Variants in ALPK3 observed in about 807,000 individuals in gnomAD.
ALPK3 encodes alpha kinase 3, also known as alpha-protein kinase 3.
In ALPK3, 102 loss-of-function variants were observed where a neutral mutation model predicts 140.0. The ratio of observed to expected loss-of-function variants is 0.73; its 90% CI spans 0.62 to 0.86. The LOEUF is 0.86. Among genes scored for constraint, ALPK3 ranks in the 40% least tolerant of loss-of-function variants. ALPK3 has a pLI of 0.00. For synonymous variants in ALPK3, 938 were observed against 898.5 expected (o/e 1.04, Z -0.79); for missense variants, 2,254 against 2,208.2 (o/e 1.02, Z -0.42).
intron 5 of ALPK3, among the ~76,000 whole-genome samples, chr15:84,851,420 A>C (rs1278410031): frequency 1.3e-5 from 2 of 152,194 alleles, no homozygotes; most frequent in Non-Finnish European, 2.9e-5. Flanking sequence ...TGATTTCCTT[A>C]TATATTTTCA....
At chr15:84,860,135 C>A in intron 9 of ALPK3, 63 bp downstream of exon 9, 8 of 1,582,952 alleles carry the variant, frequency 5.1e-6, no homozygotes, top group Non-Finnish European at 6.1e-6. Context: ...GGAGGACCCT[C>A]TTTAAGGGCT....
Position 84,871,527 on chromosome 15 carries a change from C to G in ALPK3, c.*3071C>G, listed in dbSNP as rs191435746. The G allele has an allele frequency of 2.5e-4, 38 of 152,344 alleles. 1 individual carries two copies. The highest frequency in any genetic ancestry group is 9.1e-4 in the African/African-American group (38 of 41,562). The allele number at this position is 152,344 out of a possible 1,614,324, so 9.4% of individuals were successfully genotyped here. A position where few individuals can be genotyped will look rare whatever the true frequency, so the allele number is the denominator to read the frequency against. On this transcript the variant is annotated 3_prime_UTR_variant, in exon 14 of 14. Coordinates refer to ENST00000258888, the MANE Select transcript of ALPK3 (RefSeq NM_020778.5). ...GGGGGACTAAACTCTCCACGCCAGC[C>G]CAGTCCCAAACCTAAACCTCGGGTA...
chr15:84,856,794 G>A lies in ALPK3; in HGVS notation c.2056G>A (p.Ala686Thr), dbSNP rs1366851951. The change falls in exon 6 of 14, where the codon GCC (alanine) becomes ACC (threonine). Residue 686 changes from alanine (A) to threonine (T), a missense_variant. Coordinates refer to ENST00000258888, the MANE Select transcript of ALPK3 (RefSeq NM_020778.5). ...AGEKIQEDRKAQADKGTQEDR... is the reference protein window; with the variant it reads ...AGEKIQEDRKTQADKGTQEDR... The stretch of plus-strand genomic sequence containing the variant: ...TGAGAAGATACAGGAAGACAGGAAG[G>A]CCCAGGCAGATAAGGGCACACAGGA... 2 of 1,614,050 alleles carry A rather than the reference G, an allele frequency of 1.2e-6. No individual in the cohort carries two copies. The highest frequency in any genetic ancestry group is 1.7e-6 in the Non-Finnish European group (2 of 1,180,002).
Position 84,858,423 on chromosome 15 carries a change from G to A in ALPK3, c.3685G>A (p.Ala1229Thr). The A allele has an allele frequency of 1.3e-6, 2 of 1,561,138 alleles. No individual in the cohort carries two copies. The highest frequency in any genetic ancestry group is 1.7e-6 in the Non-Finnish European group (2 of 1,155,692). The stretch of plus-strand genomic sequence containing the variant: ...GGCGAGCATGCTGGAGGTGCCTCGG[G>A]CAGAGGAGGAGCTGGCGGCAGGAGA... ...RKASMLEVPR[A>T]EEELAAGDLG... is the part of the protein sequence containing the mutation. Residue 1229 changes from alanine (A) to threonine (T), a missense_variant, in exon 6 of 14, where the codon GCA (alanine) becomes ACA (threonine). Physicochemically the swap from Ala to Thr is moderately conservative, Grantham distance 58. Coordinates refer to ENST00000258888, the MANE Select transcript of ALPK3 (RefSeq NM_020778.5).
rs150985765 is a variant in ALPK3, at chr15:84,840,736, C to T, written c.1457C>T (p.Pro486Leu). 1.5e-4 allele frequency: 242 copies of T among 1,613,948 alleles called. No homozygotes were observed. The highest frequency in any genetic ancestry group is 2.0e-4 in the Non-Finnish European group (235 of 1,179,932). The change falls in exon 5 of 14, where the codon CCA (proline) becomes CTA (leucine). Residue 486 changes from proline (P) to leucine (L), a missense_variant. By Grantham distance (98) the Pro-to-Leu change is moderately conservative. Coordinates refer to ENST00000258888, the MANE Select transcript of ALPK3 (RefSeq NM_020778.5). Reference protein sequence around the residue: ...RPFNRKRFAPPKPKGEATTDS... With the variant: ...RPFNRKRFAPLKPKGEATTDS... ...TTCAACAGAAAGAGATTTGCCCCTC[C>T]AAAGCCCAAAGGAGAGGCCACCACT...
At chr15:84,849,179 A>G (rs902555819) in intron 5 of ALPK3, among the ~76,000 whole-genome samples, 5 of 152,142 alleles carry the variant, frequency 3.3e-5, no homozygotes, top group African/African-American at 1.2e-4. Flanking sequence ...ATAGTGAACT[A>G]TCTAGTGATA....
rs144798232 is a variant in ALPK3 at position 84,850,879 on chromosome 15, T to TATACACAC, written c.1654-5512_1654-5511insTACACACA. Among the ~76,000 whole-genome samples the TATACACAC allele has an allele frequency of 2.8e-3, 404 of 142,466 alleles. 4 individuals carry two copies. The highest frequency in any genetic ancestry group is 0.01 in the African/African-American group (388 of 37,140). The allele number at this position is 142,466 out of a possible 152,430, so 93.5% of individuals were successfully genotyped here. On this transcript the variant is annotated intron_variant, in intron 5 of 13. Transcript: ENST00000258888. The stretch of plus-strand genomic sequence containing the variant: ...TCATATCTTTACACAGTTCCAGATA[T>TATACACAC]ACACACACACACACACACACACACA...
In ALPK3 at chr15:84,840,825, G is replaced by T; in HGVS notation, c.1546G>T (p.Ala516Ser). 6.2e-7 allele frequency: 1 copy of T among 1,614,222 alleles called. No homozygotes were observed. Among genetic ancestry groups the T allele is most frequent in the Non-Finnish European group, 8.5e-7 (1 of 1,180,034 alleles). The part of the protein sequence containing the change: ...PECGAQSLGK[A>S]PPQASVQVPT... ...ATGCGGGGCCCAGAGCTTAGGAAAGGCCCCACCTCAGGCCTCTGTGCAGGT... is the reference window on the plus strand; with the variant it reads ...ATGCGGGGCCCAGAGCTTAGGAAAGTCCCCACCTCAGGCCTCTGTGCAGGT... Residue 516 changes from alanine (A) to serine (S), a missense_variant, in exon 5 of 14, where the codon GCC becomes TCC. This residue lies in a region of ALPK3 where 2,088 missense variants were observed against 2,022.9 expected (regional missense o/e 1.03). Transcript: ENST00000258888.
In ALPK3 at chr15:84,862,852, G is replaced by A. The variant is rs1567095400; in HGVS notation, c.4347G>A (p.Leu1449=). The change falls in exon 10 of 14, where the codon CTG becomes CTA. Residue 1449 remains leucine, a synonymous_variant. Transcript: ENST00000258888. ...CGTGCATCATCAAGGTGTCCAGCCT[G>A]CTTGTGTTTGGGCCCAGCAGTGAGA... is the stretch of plus-strand genomic sequence containing the variant. ...GRTCIIKVSS[L]LVFGPSSETS... is the part of the protein sequence containing the mutation. 7.4e-6 allele frequency: 12 copies of A among 1,614,164 alleles called. No homozygotes were observed. The East Asian group carries it at 2.7e-4, about 36-fold the overall frequency.
chr15:84,842,363 C>A (rs958156421), intron 5 of ALPK3, among the ~76,000 whole-genome samples: 2 of 152,186 alleles, frequency 1.3e-5, no homozygotes, highest in Non-Finnish European at 2.9e-5. Context: ...ATCTGATAAC[C>A]TTAAGTGGAG....
intron 11 of ALPK3, among the ~76,000 whole-genome samples, chr15:84,863,917 A>G (rs1001749917): frequency 1.3e-5 from 2 of 152,232 alleles, no homozygotes; most frequent in African/African-American, 4.8e-5. Context: ...GTTTGGACAC[A>G]GCAATTTCTG....
Position 84,870,990 on chromosome 15 carries a change from G to A in ALPK3, c.*2534G>A, listed in dbSNP as rs1037846036. ...CTTCGAATTCCAGGGGTAATGACAC[G>A]GCTTCTATTCTCCAAAGTCCAGTGT... On this transcript the variant is annotated 3_prime_UTR_variant, in exon 14 of 14. Coordinates refer to ENST00000258888, the MANE Select transcript of ALPK3 (RefSeq NM_020778.5). The A allele has an allele frequency of 1.1e-4, 17 of 152,410 alleles. No individual in the cohort carries two copies. The highest frequency in any genetic ancestry group is 2.9e-4 in the African/African-American group (12 of 41,390). The allele number at this position is 152,410 out of a possible 1,614,324, so 9.4% of individuals were successfully genotyped here. A position where few individuals can be genotyped will look rare whatever the true frequency, so the allele number is the denominator to read the frequency against.
Position 84,856,700 on chromosome 15 carries a change from C to T in ALPK3, c.1962C>T (p.Asp654=), listed in dbSNP as rs764045515. 4.0e-5 allele frequency: 65 copies of T among 1,613,870 alleles called. 1 individual carries two copies. The South Asian group carries it at 7.1e-4, about 18-fold the overall frequency. The change falls in exon 6 of 14, where the codon GAC becomes GAT. Residue 654 remains aspartate, a synonymous_variant. Transcript: ENST00000258888. ...AAGAAAGCAAGAGGCCACAGTCAGA[C>T]AGGAGTGCACAGAAGGGCATGATGA... The part of the protein sequence containing the change: ...GTQESKRPQS[D]RSAQKGMMTQ...
At position 84,858,568 on chromosome 15, in the gene ALPK3, G is replaced by T; in HGVS notation, c.3817+13G>T. 6.4e-7 allele frequency: 1 copy of T among 1,564,532 alleles called. No individual in the cohort carries two copies. Among genetic ancestry groups the T allele is most frequent in the South Asian group, 1.2e-5 (1 of 84,130 alleles). On this transcript the variant is annotated intron_variant, in intron 6 of 13. Transcript: ENST00000258888. ...GACCTGCTGAAAGGTGAGCAGTGGG[G>T]AGGGAGAGGGATGGCTTCACAGGAC...
At chr15:84,827,659 C>T (rs1963504286) in intron 3 of ALPK3, 54 bp downstream of exon 3, 34 of 1,600,014 alleles carry the variant, frequency 2.1e-5, no homozygotes, top group Non-Finnish European at 2.9e-5. Context: ...GAGCAGGGTC[C>T]AAGGAGGCTG....
intron 12 of ALPK3, 95 bp downstream of exon 12, chr15:84,864,760 A>C: frequency 7.8e-7 from 1 of 1,277,080 alleles, no homozygotes; most frequent in Admixed American, 2.4e-5. Context: ...TCGTTTACAA[A>C]GCACCTTTGT....
Position 84,859,357 on chromosome 15 carries a change from A to G in ALPK3, c.3932A>G (p.Lys1311Arg). ...ILSDSVLTWA[K>R]DQRPVGEVGR... is the part of the protein sequence containing the mutation. ...AGTGACTCAGTCTTGACATGGGCCA[A>G]GGATCAGCGCCCAGTGGGCGAGGTG... The change falls in exon 7 of 14, where the codon AAG (lysine) becomes AGG (arginine). Residue 1311 changes from lysine to arginine, a missense_variant. By Grantham distance (26) the Lys-to-Arg change is conservative. This residue lies in a region of ALPK3 where 2,088 missense variants were observed against 2,022.9 expected (regional missense o/e 1.03). Transcript: ENST00000258888. 6.2e-7 allele frequency: 1 copy of G among 1,614,182 alleles called. No individual in the cohort carries two copies. The highest frequency in any genetic ancestry group is 8.5e-7 in the Non-Finnish European group (1 of 1,180,010).
In ALPK3 at chr15:84,829,649, C is replaced by T. The variant is rs571769211; in HGVS notation, c.304+2044C>T. On this transcript the variant is annotated intron_variant, in intron 3 of 13. Transcript: ENST00000258888. Reference sequence around the variant, plus strand: ...GTAGCTGTACATGCTGTTTATACATCGTGAGTATCTGGGACTACAGGCGCG... The same window carrying T: ...GTAGCTGTACATGCTGTTTATACATTGTGAGTATCTGGGACTACAGGCGCG... Among the ~76,000 whole-genome samples the T allele has an allele frequency of 2.0e-5, 3 of 152,288 alleles. No individual in the cohort carries two copies. The South Asian group carries it at 6.2e-4, about 32-fold the overall frequency.
In ALPK3 at chr15:84,817,487, G is replaced by C. The variant is rs535416125; in HGVS notation, c.35G>C (p.Gly12Ala). The C allele has an allele frequency of 2.1e-6, 3 of 1,435,736 alleles. No homozygotes were observed. The South Asian group carries it at 4.2e-5, about 20-fold the overall frequency. The allele number at this position is 1,435,736 out of a possible 1,614,324, so 88.9% of individuals were successfully genotyped here. ...GSRRAPSRGWGAGGRSGAGGD... is the reference protein window; with the variant it reads ...GSRRAPSRGWAAGGRSGAGGD... ...CGGAGGGCCCCCAGCCGGGGCTGGG[G>C]CGCGGGTGGGCGGTCGGGGGCGGGG... Residue 12 changes from glycine to alanine, a missense_variant, in exon 1 of 14, where the codon GGC (glycine) becomes GCC (alanine). Coordinates refer to ENST00000258888, the MANE Select transcript of ALPK3 (RefSeq NM_020778.5).
Sources: allele counts gnomAD v4.1 joint callset (sites outside exome capture counted in the v4.1 genomes callset), GRCh38; gene constraint gnomAD v4.1.1; regional missense constraint gnomAD v4.1.1; transcripts MANE v1.5; gene names NCBI Gene and HGNC (gene_info 2026-07-23, HGNC 2026-07-21).